Variants in KIF16B observed in about 807,000 individuals in gnomAD.
KIF16B encodes kinesin-like protein KIF16B.
In KIF16B, 98 loss-of-function variants were observed where a neutral mutation model predicts 156.3. The observed-to-expected ratio is 0.63, with a 90% CI of 0.53 to 0.74. The LOEUF (loss-of-function observed/expected upper bound fraction) is 0.74. Among genes scored for constraint, KIF16B ranks in the 30% least tolerant of loss-of-function variants. KIF16B has a pLI of 0.00. For missense variants in KIF16B, 1,421 were observed against 1,606.5 expected (o/e 0.88, Z 1.97); for synonymous variants, 564 against 583.7 (o/e 0.97, Z 0.49).
At chr20:16,388,966 G>A (rs34810159) in intron 17 of KIF16B, among the ~76,000 whole-genome samples, 7,112 of 152,210 alleles carry the variant, frequency 0.047, 194 homozygotes, top group African/African-American at 0.083. Context: ...GCTGCAGTGC[G>A]GGTAGATAGG....
intron 12 of KIF16B, among the ~76,000 whole-genome samples, chr20:16,471,990 C>T (rs1036899227): frequency 4.6e-5 from 7 of 152,216 alleles, no homozygotes; most frequent in Non-Finnish European, 1.0e-4. Flanking sequence ...AACTCCATGG[C>T]TGGCCTAATG....
intron 12 of KIF16B, among the ~76,000 whole-genome samples, chr20:16,438,925 A>T (rs1398367831): frequency 1.3e-5 from 2 of 152,208 alleles, no homozygotes; most frequent in Non-Finnish European, 2.9e-5. Flanking sequence ...TCACAATCAG[A>T]TTTAAAAACA....
At chr20:16,327,008 CAT>C (rs1489877093) in intron 24 of KIF16B, among the ~76,000 whole-genome samples, 2 of 143,380 alleles carry the variant, frequency 1.4e-5, no homozygotes, top group African/African-American at 2.6e-5. Flanking sequence ...TATGTGTATG[CAT>C]ATATGTGTGT....
intron 25 of KIF16B, among the ~76,000 whole-genome samples, chr20:16,306,900 T>C (rs2063549235): frequency 6.6e-6 from 1 of 152,214 alleles, no homozygotes; most frequent in East Asian, 1.9e-4. Flanking sequence ...AATGGTATTA[T>C]TATCCTCATT....
At chr20:16,498,560 A>G (rs1163218427) in intron 10 of KIF16B, among the ~76,000 whole-genome samples, 1 of 152,188 alleles carries the variant, frequency 6.6e-6, no homozygotes, top group Non-Finnish European at 1.5e-5. Flanking sequence ...ACACCAATAT[A>G]TCTTAGAGAA....
intron 1 of KIF16B, among the ~76,000 whole-genome samples, chr20:16,534,287 C>T (rs1040703113): frequency 3.3e-5 from 5 of 151,856 alleles, no homozygotes; most frequent in Admixed American, 2.6e-4. Flanking sequence ...TAAAATTACT[C>T]TTAGTATTTA....
At chr20:16,480,521 A>C (rs1163743542) in intron 12 of KIF16B, among the ~76,000 whole-genome samples, 2 of 152,244 alleles carry the variant, frequency 1.3e-5, no homozygotes, top group Non-Finnish European at 2.9e-5. Flanking sequence ...TAAAATACTC[A>C]AGATATGTCA....
intron 12 of KIF16B, among the ~76,000 whole-genome samples, chr20:16,453,093 C>T (rs1446923261): frequency 6.9e-6 from 1 of 144,128 alleles, no homozygotes; most frequent in Non-Finnish European, 1.5e-5. Flanking sequence ...CATAGTGAGA[C>T]CCTATCTTTA....
intron 22 of KIF16B, among the ~76,000 whole-genome samples, chr20:16,365,995 G>A (rs2064656260): frequency 6.6e-6 from 1 of 152,116 alleles, no homozygotes; most frequent in South Asian, 2.1e-4. Context: ...TGAGAGGGGA[G>A]AACAGTGGCA....
At position 16,312,326 on chromosome 20, in the gene KIF16B, T is replaced by C; in HGVS notation, c.3795+9A>G. 1 of 1,602,420 alleles carries C rather than the reference T, an allele frequency of 6.2e-7. No homozygotes were observed. The highest frequency in any genetic ancestry group is 8.5e-7 in the Non-Finnish European group (1 of 1,169,908). On this transcript the variant is annotated intron_variant, in intron 25 of 25. Transcript: ENST00000354981. ...CATACACAGAGGAAAAACAGCTTAA[T>C]TCTGTTACCTCTAAGTGACTTCGTC...
chr20:16,521,511 G>A (rs552792802), intron 3 of KIF16B, among the ~76,000 whole-genome samples: 1 of 152,120 alleles, frequency 6.6e-6, no homozygotes, highest in South Asian at 2.1e-4. Context: ...CAAGAAATAT[G>A]GGACTATGTG....
chr20:16,521,852 T>C (rs6034514), intron 3 of KIF16B, among the ~76,000 whole-genome samples: 1 of 151,928 alleles, frequency 6.6e-6, no homozygotes, highest in African/African-American at 2.4e-5. Context: ...CCAGAAGAGA[T>C]TGGGGGCCAA....
intron 12 of KIF16B, among the ~76,000 whole-genome samples, chr20:16,431,949 T>C (rs573662895): frequency 1.8e-4 from 18 of 99,684 alleles, no homozygotes; most frequent in African/African-American, 7.8e-4. Context: ...CGCACAAGTT[T>C]ATTACCTGTC....
At chr20:16,506,258 T>A (rs777709408) in intron 7 of KIF16B, 68 bp from the exon 8 acceptor site, 221 of 1,347,888 alleles carry the variant, frequency 1.6e-4, no homozygotes, top group Non-Finnish European at 1.6e-4. Context: ...TGATATGAAT[T>A]CTAACTATTT....
chr20:16,347,483 G>A (rs565849391), intron 23 of KIF16B, among the ~76,000 whole-genome samples: 3 of 152,228 alleles, frequency 2.0e-5, no homozygotes, highest in African/African-American at 7.2e-5. Flanking sequence ...TACACAGGAA[G>A]CATTTACTTT....
chr20:16,423,823 A>G (rs538024307), intron 15 of KIF16B, among the ~76,000 whole-genome samples: 1 of 151,866 alleles, frequency 6.6e-6, no homozygotes, highest in African/African-American at 2.4e-5. Context: ...TACAGTCTAG[A>G]CTCCATACAG....
chr20:16,475,345 T>TTAGG (rs11471685), intron 12 of KIF16B, among the ~76,000 whole-genome samples: 2 of 151,740 alleles, frequency 1.3e-5, no homozygotes, highest in African/African-American at 4.8e-5. Context: ...TGCAGGGAGG[T>TTAGG]TAAGTCACCC....
chr20:16,463,035 C>T (rs951730739), intron 12 of KIF16B, among the ~76,000 whole-genome samples: 5 of 152,188 alleles, frequency 3.3e-5, no homozygotes, highest in Non-Finnish European at 7.3e-5. Flanking sequence ...TCTTCGTGCA[C>T]TATGCAAATG....
intron 12 of KIF16B, among the ~76,000 whole-genome samples, chr20:16,451,556 C>A (rs924937308): frequency 6.6e-6 from 1 of 151,154 alleles, no homozygotes; most frequent in Non-Finnish European, 1.5e-5. Context: ...CCACCACCAC[C>A]ACAACAACAA....
Sources: gnomAD v4.1 joint callset for allele counts (sites outside exome capture counted in the v4.1 genomes callset) on GRCh38, gnomAD v4.1.1 for gene constraint, MANE v1.5 for transcripts, NCBI Gene and HGNC (gene_info 2026-07-23, HGNC 2026-07-21) for gene names.